The following ELP4 variants were observed in gnomAD, a reference collection of about 807,000 sequenced individuals.
ELP4 encodes elongator acetyltransferase complex subunit 4, also known as elongator complex protein 4.
Under a neutral mutation model 48.9 loss-of-function variants are expected in ELP4, and 51 were observed. The ratio of observed to expected loss-of-function variants is 1.04; its 90% CI spans 0.83 to 1.32. ELP4 has a LOEUF of 1.32. ELP4 is among the 40% of genes most tolerant of loss of function. The probability of loss-of-function intolerance (pLI) is 0.00; values close to 1 mark genes in which losing one functional copy is unlikely to be tolerated. For synonymous variants in ELP4, 210 were observed against 189.2 expected (o/e 1.11, Z -0.90); for missense variants, 519 against 514.6 (o/e 1.01, Z -0.08).
intron 9 of ELP4, among the ~76,000 whole-genome samples, chr11:31,743,224 C>G (rs1197131794): frequency 2.0e-5 from 3 of 152,210 alleles, no homozygotes; most frequent in Non-Finnish European, 4.4e-5. Context: ...GTTCCCAATA[C>G]AGGAGCACCC....
intron 1 of ELP4, chr11:31,510,480 T>A: frequency 2.4e-6 from 1 of 410,802 alleles, no homozygotes; most frequent in Non-Finnish European, 4.3e-6. Context: ...TCAGACTGCC[T>A]GTTCTCTGGT....
rs75680502 is a variant in ELP4, at chr11:31,544,339, G to C, written c.381+4556G>C. On this transcript the variant is annotated intron_variant, in intron 3 of 9. Coordinates refer to ENST00000640961, the MANE Select transcript of ELP4 (RefSeq NM_019040.5). ...GATGGGTTTAAAAAACGGCGCATCA[G>C]GAGTTTATATCCTGCACCTGGCTCG... Among the ~76,000 whole-genome samples the C allele has an allele frequency of 3.1e-3, 467 of 152,358 alleles. 2 individuals carry two copies. The highest frequency in any genetic ancestry group is 6.2e-3 in the South Asian group (30 of 4,830).
At chr11:31,650,548 A>G (rs375734283) in intron 9 of ELP4, 23 of 200,980 alleles carry the variant, frequency 1.1e-4, no homozygotes, top group Non-Finnish European at 2.1e-4. Context: ...AGCTGCGCTT[A>G]CTTGGGTGTG....
At position 31,787,227 on chromosome 11, in the gene ELP4, G is replaced by A. The variant is rs3026398; in HGVS notation, c.*3703G>A. The A allele has an allele frequency of 0.23, 53,704 of 232,178 alleles. 7,043 individuals are homozygous for A. The highest frequency in any genetic ancestry group is 0.29 in the Non-Finnish European group (33,745 of 117,470). 14.4% of individuals were successfully genotyped at this position (232,178 alleles called of 1,614,324 possible). ...AGAGGGCTTCTGCAGCTGAGCAGCCGCTTCTTCAGACTATACCAGACTGTG... is the reference window on the plus strand; with the variant it reads ...AGAGGGCTTCTGCAGCTGAGCAGCCACTTCTTCAGACTATACCAGACTGTG... On this transcript the variant is annotated 3_prime_UTR_variant, in exon 10 of 10. Transcript: ENST00000640961.
chr11:31,602,462 A>C (rs1026673532), intron 4 of ELP4, among the ~76,000 whole-genome samples: 1 of 152,010 alleles, frequency 6.6e-6, no homozygotes, highest in African/African-American at 2.4e-5. Flanking sequence ...AAAAGATTAG[A>C]TTGAAGCAAA....
At chr11:31,589,249 T>C (rs977445249) in intron 3 of ELP4, among the ~76,000 whole-genome samples, 3 of 152,196 alleles carry the variant, frequency 2.0e-5, no homozygotes, top group Non-Finnish European at 2.9e-5. Flanking sequence ...GCTCATTTTA[T>C]AACAAGGTCA....
chr11:31,702,989 C>A (rs1353768727), intron 9 of ELP4, among the ~76,000 whole-genome samples: 9 of 152,166 alleles, frequency 5.9e-5, no homozygotes. Flanking sequence ...TAGCTGCTAG[C>A]ACTTTTTATT....
At chr11:31,565,745 G>T (rs552706421) in intron 3 of ELP4, among the ~76,000 whole-genome samples, 7 of 151,788 alleles carry the variant, frequency 4.6e-5, no homozygotes, top group African/African-American at 1.7e-4. Flanking sequence ...CTCTGTTTTG[G>T]TACCAGTACC....
chr11:31,565,754 C>A (rs966790876), intron 3 of ELP4, among the ~76,000 whole-genome samples: 3 of 151,874 alleles, frequency 2.0e-5, no homozygotes, highest in African/African-American at 7.3e-5. Flanking sequence ...GGTACCAGTA[C>A]CATGCTGTTT....
rs142479277 is a variant in ELP4, at chr11:31,720,767, A to G, written c.1144-62626A>G. 4.8e-3 allele frequency among the ~76,000 whole-genome samples: 725 copies of G among 152,354 alleles called. 5 individuals carry two copies. The highest frequency in any genetic ancestry group is 0.014 in the South Asian group (67 of 4,828). ...ATCCTTGCTCTCAAGAAACATGAAC[A>G]GCATAGCTAGGAAGAAAAGTTGGAG... is the stretch of plus-strand genomic sequence containing the variant. On this transcript the variant is annotated intron_variant, in intron 9 of 9. Coordinates refer to ENST00000640961, the MANE Select transcript of ELP4 (RefSeq NM_019040.5).
rs1220404123 is a variant in ELP4 at position 31,785,506 on chromosome 11, A to G, written c.*1982A>G. 5.3e-6 allele frequency: 1 copy of G among 190,204 alleles called. No individual in the cohort carries two copies. The highest frequency in any genetic ancestry group is 1.1e-5 in the Non-Finnish European group (1 of 90,706). 11.8% of individuals were successfully genotyped at this position (190,204 alleles called of 1,614,324 possible). ...TAGATAACTACTATAAAAATTGAAT[A>G]TGCATATTTGAACCCTTATTTTAAA... On this transcript the variant is annotated 3_prime_UTR_variant, in exon 10 of 10. Transcript: ENST00000640961.
chr11:31,645,670 T>G (rs1945183768), intron 7 of ELP4: 1 of 151,780 alleles, frequency 6.6e-6, no homozygotes, highest in South Asian at 2.1e-4. Context: ...TCTGACCTTT[T>G]GATTAAGAAA....
chr11:31,626,567 GTCT>G (rs1168803072), intron 5 of ELP4, among the ~76,000 whole-genome samples: 1 of 151,640 alleles, frequency 6.6e-6, no homozygotes. Context: ...TCCATTTATT[GTCT>G]TCTTTTAACA....
At chr11:31,564,916 G>A (rs1379378694) in intron 3 of ELP4, among the ~76,000 whole-genome samples, 5 of 152,114 alleles carry the variant, frequency 3.3e-5, no homozygotes, top group African/African-American at 9.7e-5. Flanking sequence ...TGGGTCAAAT[G>A]GTATTTCTAG....
rs551885313 is a variant in ELP4, at chr11:31,518,688, A to G, written c.224-1368A>G. On this transcript the variant is annotated intron_variant, in intron 1 of 9. Coordinates refer to ENST00000640961, the MANE Select transcript of ELP4 (RefSeq NM_019040.5). ...CAGGCAGGTGAATCACGAGGTCAGG[A>G]GTTCGAGACCAGCCTTGGCAACATA... is the stretch of plus-strand genomic sequence containing the variant. 3.9e-3 allele frequency among the ~76,000 whole-genome samples: 593 copies of G among 151,642 alleles called. 6 individuals are homozygous for G. The highest frequency in any genetic ancestry group is 0.014 in the African/African-American group (566 of 41,394).
intron 3 of ELP4, among the ~76,000 whole-genome samples, chr11:31,560,180 AAT>A: frequency 6.6e-6 from 1 of 152,244 alleles, no homozygotes; most frequent in South Asian, 2.1e-4. Flanking sequence ...AAATGAAGAT[AAT>A]ATCTCACCTC....
intron 9 of ELP4, among the ~76,000 whole-genome samples, chr11:31,745,753 A>G (rs927119213): frequency 1.3e-5 from 2 of 152,220 alleles, no homozygotes; most frequent in African/African-American, 2.4e-5. Context: ...AGATGGATTA[A>G]AGACTTAAAT....
intron 9 of ELP4, among the ~76,000 whole-genome samples, chr11:31,738,974 G>C (rs1947385966): frequency 6.6e-6 from 1 of 152,194 alleles, no homozygotes; most frequent in Non-Finnish European, 1.5e-5. Flanking sequence ...TCATGCAATT[G>C]CATAAGTTCT....
chr11:31,597,343 T>C (rs1469176479), intron 4 of ELP4, among the ~76,000 whole-genome samples: 1 of 152,130 alleles, frequency 6.6e-6, no homozygotes, highest in East Asian at 1.9e-4. Context: ...CAGAAGTTGT[T>C]ACAGATATAG....
Sources: allele counts gnomAD v4.1 joint callset (sites outside exome capture counted in the v4.1 genomes callset), GRCh38; gene constraint gnomAD v4.1.1; transcripts MANE v1.5; gene names NCBI Gene and HGNC (gene_info 2026-07-23, HGNC 2026-07-21).